The following TAFA1 variants were observed in gnomAD, a reference collection of about 807,000 sequenced individuals.
TAFA1 encodes TAFA chemokine like family member 1, also known as chemokine-like protein TAFA-1.
Under a neutral mutation model 18.5 loss-of-function variants are expected in TAFA1, and 4 were observed. That is an observed-to-expected ratio of 0.22 (90% CI 0.11 to 0.49). TAFA1 has a LOEUF of 0.49. TAFA1 is among the 20% of genes least tolerant of loss of function. The pLI is 0.98. For synonymous variants in TAFA1, 56 were observed against 55.2 expected (o/e 1.01, Z -0.06); for missense variants, 147 against 169.0 (o/e 0.87, Z 0.72).
chr3:68,061,713 C>G (rs948556549), intron 2 of TAFA1, among the ~76,000 whole-genome samples: 4 of 152,066 alleles, frequency 2.6e-5, no homozygotes, highest in African/African-American at 9.7e-5. Flanking sequence ...CAAAAAAGAG[C>G]AGATATGTAC....
At chr3:68,248,291 C>T (rs2067123431) in intron 2 of TAFA1, among the ~76,000 whole-genome samples, 1 of 152,098 alleles carries the variant, frequency 6.6e-6, no homozygotes, top group South Asian at 2.1e-4. Flanking sequence ...TTTTATAATG[C>T]AAGAAATCCC....
At chr3:68,147,213 A>T (rs1198607636) in intron 2 of TAFA1, among the ~76,000 whole-genome samples, 1 of 151,948 alleles carries the variant, frequency 6.6e-6, no homozygotes, top group Non-Finnish European at 1.5e-5. Flanking sequence ...ATACCTCCTT[A>T]ACCTGGCCCA....
chr3:68,408,803 A>G (rs1459658415), intron 2 of TAFA1, among the ~76,000 whole-genome samples: 1 of 152,194 alleles, frequency 6.6e-6, no homozygotes, highest in Non-Finnish European at 1.5e-5. Context: ...GTTGGGAGTC[A>G]GGCTGAAAAA....
At chr3:68,426,565 T>C (rs2071058160) in intron 3 of TAFA1, among the ~76,000 whole-genome samples, 1 of 151,868 alleles carries the variant, frequency 6.6e-6, no homozygotes, top group Admixed American at 6.6e-5. Context: ...AACTACAGTG[T>C]TTCATCAATC....
intron 2 of TAFA1, among the ~76,000 whole-genome samples, chr3:68,298,991 C>T (rs1009500387): frequency 1.3e-5 from 2 of 152,128 alleles, no homozygotes; most frequent in Non-Finnish European, 2.9e-5. Context: ...GTTTGGAGGG[C>T]TCAAAAGACA....
chr3:68,266,513 G>A (rs2067549630), intron 2 of TAFA1, among the ~76,000 whole-genome samples: 1 of 152,136 alleles, frequency 6.6e-6, no homozygotes, highest in South Asian at 2.1e-4. Flanking sequence ...TTCACAAACA[G>A]AAACTCGTTT....
intron 3 of TAFA1, among the ~76,000 whole-genome samples, chr3:68,442,901 CCA>C (rs949552531): frequency 2.6e-4 from 40 of 152,258 alleles, no homozygotes; most frequent in African/African-American, 9.6e-4. Context: ...CTGTATACCT[CCA>C]CATTCTTGAT....
At chr3:68,494,019 G>T (rs1176541339) in intron 3 of TAFA1, among the ~76,000 whole-genome samples, 1 of 152,172 alleles carries the variant, frequency 6.6e-6, no homozygotes, top group Non-Finnish European at 1.5e-5. Context: ...TTCTAAGTTT[G>T]AGTTTCTTGA....
chr3:68,292,960 C>A (rs1369761898), intron 2 of TAFA1, among the ~76,000 whole-genome samples: 16 of 152,240 alleles, frequency 1.1e-4, no homozygotes, highest in African/African-American at 3.6e-4. Flanking sequence ...TTGATTGCTT[C>A]CCTTATATTC....
At chr3:68,163,400 A>G (rs1363900331) in intron 2 of TAFA1, among the ~76,000 whole-genome samples, 1 of 152,216 alleles carries the variant, frequency 6.6e-6, no homozygotes, top group Non-Finnish European at 1.5e-5. Flanking sequence ...ATATGTAGAC[A>G]TTAAACTGAT....
Position 68,253,718 on chromosome 3 carries a change from G to GATTT in TAFA1, c.119-163561_119-163558dup, listed in dbSNP as rs112374784. 6.4e-3 allele frequency among the ~76,000 whole-genome samples: 967 copies of GATTT among 152,250 alleles called. 11 individuals carry two copies. Among genetic ancestry groups the GATTT allele is most frequent in the African/African-American group, 0.021 (874 of 41,552 alleles). On this transcript the variant is annotated intron_variant, in intron 2 of 4. Transcript: ENST00000478136. Reference sequence around the variant, plus strand: ...TTATTTTCTGAATTCTCATGGGGAGGATTTTATCATGACATTTTTCTTGGT... The same window carrying GATTT: ...TTATTTTCTGAATTCTCATGGGGAGGATTTATTTTATCATGACATTTTTCTTGGT...
chr3:67,996,614 C>A, the TAFA1 span, among the ~76,000 whole-genome samples: 1 of 152,000 alleles, frequency 6.6e-6, no homozygotes, highest in Non-Finnish European at 1.5e-5. Flanking sequence ...GCCTGGCCAA[C>A]ATGATGAAAC....
chr3:68,011,015 T>C (rs1451435299), intron 2 of TAFA1, among the ~76,000 whole-genome samples: 2 of 151,936 alleles, frequency 1.3e-5, no homozygotes, highest in Non-Finnish European at 2.9e-5. Context: ...TAAAAAAAGA[T>C]TGAACGGTTT....
Position 68,423,714 on chromosome 3 carries a change from G to T in TAFA1, c.259+6294G>T, listed in dbSNP as rs80197108. On this transcript the variant is annotated intron_variant, in intron 3 of 4. Transcript: ENST00000478136. ...GCATAGTGGGAGTGGTAAAATTTTC[G>T]TGCAGTTTTCTCTATTTAGGATTTT... Among the ~76,000 whole-genome samples, 15 of 150,542 alleles carry T rather than the reference G, an allele frequency of 1.0e-4. No individual in the cohort carries two copies. In the East Asian group the frequency reaches 3.0e-3, roughly 30 times the overall value.
chr3:68,500,586 T>C (rs1282666945), intron 3 of TAFA1, among the ~76,000 whole-genome samples: 1 of 152,158 alleles, frequency 6.6e-6, no homozygotes, highest in Admixed American at 6.5e-5. Context: ...TGTAACTTAG[T>C]CACACCCATT....
intron 2 of TAFA1, among the ~76,000 whole-genome samples, chr3:68,150,130 A>G (rs560150695): frequency 1.3e-5 from 2 of 152,320 alleles, no homozygotes; most frequent in South Asian, 4.1e-4. Flanking sequence ...AGATACCTGT[A>G]ATTTGCTGCT....
chr3:68,262,788 G>T, intron 2 of TAFA1, among the ~76,000 whole-genome samples: 1 of 152,134 alleles, frequency 6.6e-6, no homozygotes, highest in East Asian at 1.9e-4. Flanking sequence ...ATTCCTTTGT[G>T]TATATACCCA....
chr3:68,062,788 G>A (rs776698780), intron 2 of TAFA1, among the ~76,000 whole-genome samples: 11 of 152,158 alleles, frequency 7.2e-5, no homozygotes, highest in Non-Finnish European at 1.3e-4. Context: ...TAACCATAAC[G>A]AAGAAGCAGT....
intron 2 of TAFA1, among the ~76,000 whole-genome samples, chr3:68,122,014 C>T (rs6774687): frequency 0.54 from 81,296 of 151,802 alleles, 22,506 homozygotes; most frequent in South Asian, 0.64. Flanking sequence ...CTAGGCCCTT[C>T]GTTGTATTGT....
Sources: allele counts gnomAD v4.1 joint callset (sites outside exome capture counted in the v4.1 genomes callset), GRCh38; gene constraint gnomAD v4.1.1; transcripts MANE v1.5; gene names NCBI Gene and HGNC (gene_info 2026-07-23, HGNC 2026-07-21).